The following PIH1D2 variants were observed in gnomAD, a reference collection of about 807,000 sequenced individuals.
PIH1D2 encodes the protein PIH1 domain containing 2.
In PIH1D2, 25 loss-of-function variants were observed where a neutral mutation model predicts 31.2. The ratio of observed to expected loss-of-function variants is 0.80; its 90% CI spans 0.58 to 1.12. The LOEUF (loss-of-function observed/expected upper bound fraction) is 1.12, where lower values mean the gene tolerates loss of function less well. Among genes scored for constraint, PIH1D2 ranks in the 50% most tolerant of loss-of-function variants. The pLI, the probability that PIH1D2 is intolerant of heterozygous loss-of-function variation, is 0.00. For synonymous variants in PIH1D2, 116 were observed against 119.9 expected, an observed-to-expected ratio of 0.97 and a Z score of 0.21; for missense variants, 310 against 356.6, an observed-to-expected ratio of 0.87 and a Z score of 1.05.
chr11:112,070,504 T>G lies in PIH1D2; in HGVS notation c.745A>C (p.Lys249Gln), dbSNP rs1271840541. The change falls in exon 5 of 6, where the codon AAA (lysine) becomes CAA (glutamine). Residue 249 changes from lysine (K) to glutamine (Q), a missense_variant. Coordinates refer to ENST00000280350, the MANE Select transcript of PIH1D2 (RefSeq NM_138789.4). ...GGTAATTCAACTTTCAACTCAATTTTCAGAGGTTTCTCACTGTGATCATGC... is the reference window on the plus strand; with the variant it reads ...GGTAATTCAACTTTCAACTCAATTTGCAGAGGTTTCTCACTGTGATCATGC... ...IVHDHSEKPL[K>Q]IELKVELPGI... 3 of 1,614,140 alleles carry G rather than the reference T, an allele frequency of 1.9e-6. No homozygotes were observed. Among genetic ancestry groups the G allele is most frequent in the Non-Finnish European group, 2.5e-6 (3 of 1,180,014 alleles).
chr11:112,062,626 T>G (rs1864708720), downstream of PIH1D2: 10 of 1,420,662 alleles, frequency 7.0e-6, no homozygotes, highest in Non-Finnish European at 9.7e-6. Context: ...TTCTTTTTAT[T>G]TTAACCAGTT....
intron 5 of PIH1D2, among the ~76,000 whole-genome samples, chr11:112,069,056 T>G (rs1327157535): frequency 1.4e-5 from 2 of 144,806 alleles, no homozygotes; most frequent in African/African-American, 2.6e-5. Context: ...TGGAGTGCAG[T>G]GGCTCGATCT....
chr11:112,059,143 A>G (rs587774055), downstream of PIH1D2, among the ~76,000 whole-genome samples: 3 of 151,990 alleles, frequency 2.0e-5, no homozygotes, highest in East Asian at 5.8e-4. Context: ...TCTTGCTACA[A>G]TGCAGTTCTT....
chr11:112,071,634 C>G lies in PIH1D2; in HGVS notation c.301+1G>C, dbSNP rs1478038277. The G allele has an allele frequency of 6.2e-7, 1 of 1,612,872 alleles. No individual in the cohort carries two copies. The highest frequency in any genetic ancestry group is 2.2e-5 in the East Asian group (1 of 44,860). ...ATGTGCTTTCTCTCAATTATTTGTA[C>G]CTGATATCTCAGTTGTATCTTCTGG... On this transcript the variant is annotated splice_donor_variant, in intron 3 of 5. Transcript: ENST00000280350. LOFTEE classifies it high-confidence loss of function.
At chr11:112,064,286 T>G, downstream of PIH1D2, 1 of 1,391,242 alleles carries the variant, frequency 7.2e-7, no homozygotes, top group Non-Finnish European at 9.7e-7. Context: ...TAATCTGAGC[T>G]ATAATCTAAA....
intron 5 of PIH1D2, among the ~76,000 whole-genome samples, chr11:112,069,289 T>A (rs1865039618): frequency 6.6e-6 from 1 of 151,894 alleles, no homozygotes. Context: ...CAGGCATGAG[T>A]CACCGTACCC....
downstream of PIH1D2, among the ~76,000 whole-genome samples, chr11:112,064,620 T>C (rs587685314): frequency 6.6e-6 from 1 of 152,260 alleles, no homozygotes; most frequent in African/African-American, 2.4e-5. Flanking sequence ...ATGGAAAGTG[T>C]GGTCTGGTTC....
intron 5 of PIH1D2, among the ~76,000 whole-genome samples, chr11:112,069,058 G>C (rs1266169448): frequency 6.8e-6 from 1 of 146,898 alleles, no homozygotes; most frequent in Non-Finnish European, 1.5e-5. Flanking sequence ...GAGTGCAGTG[G>C]CTCGATCTTG....
intron 5 of PIH1D2, 49 bp from the exon 6 acceptor site, chr11:112,068,054 A>G: frequency 7.7e-7 from 1 of 1,304,610 alleles, no homozygotes; most frequent in Non-Finnish European, 1.1e-6. Context: ...AATTTGGGAT[A>G]CTAACTTATT....
At chr11:112,061,499 G>C (rs782333001), downstream of PIH1D2, 3 of 314,194 alleles carry the variant, frequency 9.5e-6, no homozygotes, top group Non-Finnish European at 1.8e-5. Context: ...TTTGATCCAT[G>C]GTTGGTTGAA....
downstream of PIH1D2, chr11:112,062,539 A>G: frequency 6.2e-7 from 1 of 1,612,230 alleles, no homozygotes; most frequent in South Asian, 1.1e-5. Context: ...GTTGTAACTA[A>G]CTCAAGAATT....
chr11:112,058,638 T>C (rs1384251555), downstream of PIH1D2, among the ~76,000 whole-genome samples: 1 of 134,732 alleles, frequency 7.4e-6, no homozygotes, highest in Admixed American at 7.4e-5. Context: ...GGGGGGGGAA[T>C]CACCTTTTTT....
the PIH1D2 span, among the ~76,000 whole-genome samples, chr11:112,054,506 G>C: frequency 6.6e-6 from 1 of 152,060 alleles, no homozygotes; most frequent in African/African-American, 2.4e-5. Context: ...AGTTTTCTAC[G>C]TATATGTGAA....
At chr11:112,064,358 T>G (rs1158001514), downstream of PIH1D2, 2 of 698,026 alleles carry the variant, frequency 2.9e-6, no homozygotes, top group Non-Finnish European at 4.4e-6. Context: ...TTGGTTCATA[T>G]GATTATTTAA....
chr11:112,066,997 A>C (rs1460063740), downstream of PIH1D2, among the ~76,000 whole-genome samples: 2 of 152,194 alleles, frequency 1.3e-5, no homozygotes, highest in African/African-American at 4.8e-5. Flanking sequence ...TGGGAGGCGA[A>C]GGTTGCAGTG....
At chr11:112,071,548 G>A (rs781926051) in intron 3 of PIH1D2, 87 bp downstream of exon 3, 88 of 1,461,018 alleles carry the variant, frequency 6.0e-5, no homozygotes, top group Middle Eastern at 3.5e-4. Context: ...CAAATAAAGA[G>A]TTTTACTTGA....
rs1555184441 is a variant in PIH1D2 at position 112,070,643 on chromosome 11, T to C, written c.606A>G (p.Gln202=). The change falls in exon 5 of 6, where the codon CAA becomes CAG. Residue 202 remains glutamine, a synonymous_variant. Transcript: ENST00000280350. ...STMSNPDHFP[Q]LLLPKDQVSG... is the part of the protein sequence containing the mutation. Reference sequence around the variant, plus strand: ...AAACTTGGTCTTTTGGCAGTAACAGTTGAGGAAAGTGATCTGGATTGCTCA... The same window carrying C: ...AAACTTGGTCTTTTGGCAGTAACAGCTGAGGAAAGTGATCTGGATTGCTCA... The C allele has an allele frequency of 6.2e-7, 1 of 1,614,064 alleles. No homozygotes were observed. Among genetic ancestry groups the C allele is most frequent in the Non-Finnish European group, 8.5e-7 (1 of 1,179,964 alleles).
intron 4 of PIH1D2, 52 bp downstream of exon 4, chr11:112,070,986 T>A (rs782416682): frequency 1.3e-6 from 2 of 1,566,016 alleles, no homozygotes; most frequent in East Asian, 4.5e-5. Flanking sequence ...GTATACAGGA[T>A]CCAAAAACAT....
At position 112,073,111 on chromosome 11, in the gene PIH1D2, GATC is replaced by G; in HGVS notation, c.61_63del (p.Asp21del). 2 of 1,614,020 alleles carry G rather than the reference GATC, an allele frequency of 1.2e-6. No individual in the cohort carries two copies. Among genetic ancestry groups the G allele is most frequent in the South Asian group, 1.1e-5 (1 of 91,082 alleles). ...TAGCCCTCAGGGTCACTCTGAGCTA[GATC>G]ATCTAGGAGGTTCCAAAACTGAGTA... On this transcript the variant is annotated inframe_deletion, in exon 2 of 6. Transcript: ENST00000280350.
Sources: gnomAD v4.1 joint callset for allele counts (sites outside exome capture counted in the v4.1 genomes callset) on GRCh38, gnomAD v4.1.1 for gene constraint, MANE v1.5 for transcripts, NCBI Gene and HGNC (gene_info 2026-07-23, HGNC 2026-07-21) for gene names.